NTM: variants seen among roughly 807,000 people sequenced by gnomAD.
NTM encodes IgLON family member 2.
A neutral mutation model predicts 42.1 loss-of-function variants in NTM; 13 were observed. That is an observed-to-expected ratio of 0.31 (90% CI 0.20 to 0.49). NTM has a LOEUF of 0.49. Among genes scored for constraint, NTM ranks in the 20% least tolerant of loss-of-function variants. The pLI is 0.99. For missense variants in NTM, 373 were observed against 452.8 expected, an observed-to-expected ratio of 0.82 and a Z score of 1.60; for synonymous variants, 187 against 179.2, an observed-to-expected ratio of 1.04 and a Z score of -0.35.
chr11:132,327,209 A>G (rs1045146565), intron 7 of NTM, among the ~76,000 whole-genome samples: 1 of 152,214 alleles, frequency 6.6e-6, no homozygotes, highest in African/African-American at 2.4e-5. Context: ...GCCACTGTGC[A>G]AACTCAGCGG....
chr11:131,430,979 C>T (rs548605743), intron 1 of NTM, among the ~76,000 whole-genome samples: 55 of 152,354 alleles, frequency 3.6e-4, no homozygotes, highest in Middle Eastern at 3.4e-3. Context: ...GAGGGACTGC[C>T]GTCTCCTGCA....
chr11:131,826,439 G>A (rs1314591331), intron 1 of NTM, among the ~76,000 whole-genome samples: 2 of 152,036 alleles, frequency 1.3e-5, no homozygotes, highest in Admixed American at 1.3e-4. Flanking sequence ...CAGGAAGGAC[G>A]TCTCTAGACT....
At chr11:132,041,169 T>A (rs1372725251) in intron 2 of NTM, among the ~76,000 whole-genome samples, 1 of 151,992 alleles carries the variant, frequency 6.6e-6, no homozygotes, top group African/African-American at 2.4e-5. Flanking sequence ...CTTTTTGTTA[T>A]TTTTGCTCTG....
intron 1 of NTM, among the ~76,000 whole-genome samples, chr11:131,659,983 C>T (rs553671541): frequency 6.6e-5 from 10 of 152,312 alleles, no homozygotes; most frequent in Admixed American, 1.3e-4. Context: ...TATGTGAGCA[C>T]GTGAAGGATC....
At chr11:131,989,717 GCACACA>G (rs57222149) in intron 2 of NTM, among the ~76,000 whole-genome samples, 10 of 149,396 alleles carry the variant, frequency 6.7e-5, no homozygotes, top group East Asian at 2.0e-4. Context: ...TTAGATACAT[GCACACA>G]CACACACACA....
intron 1 of NTM, among the ~76,000 whole-genome samples, chr11:131,867,415 G>A (rs540676949): frequency 9.9e-5 from 15 of 152,016 alleles, no homozygotes; most frequent in Non-Finnish European, 1.9e-4. Flanking sequence ...GTGTGTTTAC[G>A]TCTGTGTGTA....
intron 1 of NTM, among the ~76,000 whole-genome samples, chr11:131,488,626 T>A (rs893506680): frequency 6.6e-6 from 1 of 152,180 alleles, no homozygotes; most frequent in Non-Finnish European, 1.5e-5. Context: ...GAGGAATTCT[T>A]GGAGGCCTTT....
intron 1 of NTM, among the ~76,000 whole-genome samples, chr11:131,585,580 C>G (rs947746180): frequency 6.6e-6 from 1 of 152,200 alleles, no homozygotes; most frequent in South Asian, 2.1e-4. Context: ...TGGCTACTCT[C>G]GCCGGGGCAC....
intron 2 of NTM, among the ~76,000 whole-genome samples, chr11:131,955,776 C>T (rs2061496102): frequency 1.3e-5 from 2 of 151,424 alleles, no homozygotes; most frequent in East Asian, 2.0e-4. Flanking sequence ...ACCAGGGACT[C>T]ATCACCACTC....
intron 4 of NTM, among the ~76,000 whole-genome samples, chr11:132,296,551 C>T (rs1251067833): frequency 1.3e-5 from 2 of 152,128 alleles, no homozygotes; most frequent in Non-Finnish European, 2.9e-5. Flanking sequence ...AACTGAGGCC[C>T]AGTTATTTCC....
intron 1 of NTM, among the ~76,000 whole-genome samples, chr11:131,690,425 G>T (rs1421707311): frequency 6.6e-6 from 1 of 152,024 alleles, no homozygotes; most frequent in Admixed American, 6.5e-5. Context: ...CCAGCCCAGC[G>T]CACCTAGTCA....
chr11:131,461,002 C>T (rs1951325077), intron 1 of NTM, among the ~76,000 whole-genome samples: 1 of 152,214 alleles, frequency 6.6e-6, no homozygotes, highest in Admixed American at 6.5e-5. Context: ...AGCTTGTGCA[C>T]AGTCAGAACA....
At chr11:131,657,147 GC>G (rs200407062) in intron 1 of NTM, among the ~76,000 whole-genome samples, 9 of 34,486 alleles carry the variant, frequency 2.6e-4, no homozygotes, top group East Asian at 1.1e-3. Flanking sequence ...ATGAAGACCA[GC>G]CCAAAAAAAA....
chr11:131,650,472 G>T (rs1055625337), intron 1 of NTM, among the ~76,000 whole-genome samples: 3 of 152,154 alleles, frequency 2.0e-5, no homozygotes, highest in Non-Finnish European at 2.9e-5. Context: ...GCTTTTGAAA[G>T]TTCGGTCCAG....
intron 4 of NTM, among the ~76,000 whole-genome samples, chr11:132,214,163 T>C (rs1592267850): frequency 6.6e-6 from 1 of 152,286 alleles, no homozygotes; most frequent in Middle Eastern, 3.4e-3. Context: ...GCTTCAGCTG[T>C]GCATGAGATC....
chr11:131,834,257 G>T (rs2043188987), intron 1 of NTM, among the ~76,000 whole-genome samples: 1 of 152,088 alleles, frequency 6.6e-6, no homozygotes, highest in Non-Finnish European at 1.5e-5. Context: ...ATCAGGCTTA[G>T]GGCCTCCTTC....
At chr11:132,181,784 G>A (rs2077609621) in intron 3 of NTM, among the ~76,000 whole-genome samples, 1 of 152,092 alleles carries the variant, frequency 6.6e-6, no homozygotes, top group Admixed American at 6.6e-5. Context: ...CCCAACAGGA[G>A]TGAATTCTAA....
intron 2 of NTM, among the ~76,000 whole-genome samples, chr11:132,035,601 T>G (rs1472828130): frequency 6.6e-6 from 1 of 152,146 alleles, no homozygotes; most frequent in Admixed American, 6.5e-5. Context: ...TTTCAGGGAA[T>G]GTAAATTGGC....
chr11:131,507,479 G>C (rs2136426483), intron 1 of NTM, among the ~76,000 whole-genome samples: 1 of 152,260 alleles, frequency 6.6e-6, no homozygotes, highest in Non-Finnish European at 1.5e-5. Context: ...ATAGTTTGAA[G>C]TCAGGTAGCG....
Sources: allele counts gnomAD v4.1 joint callset (sites outside exome capture counted in the v4.1 genomes callset), GRCh38; gene constraint gnomAD v4.1.1; transcripts MANE v1.5; gene names NCBI Gene and HGNC (gene_info 2026-07-23, HGNC 2026-07-21).